SLC12A7: variants seen among roughly 807,000 people sequenced by gnomAD.
SLC12A7 encodes solute carrier family 12 member 7, also known as K-Cl cotransporter 4.
Under a neutral mutation model 120.6 loss-of-function variants are expected in SLC12A7, and 100 were observed. The observed-to-expected ratio is 0.83, with a 90% CI of 0.71 to 0.98. The LOEUF is 0.98. SLC12A7 is among the 50% of genes least tolerant of loss of function. The pLI is 0.00. For synonymous variants in SLC12A7, 760 were observed against 678.0 expected (o/e 1.12, Z -1.88); for missense variants, 1,373 against 1,548.1 (o/e 0.89, Z 1.90).
chr5:1,091,052 AAAC>A (rs1031372385), intron 3 of SLC12A7, among the ~76,000 whole-genome samples: 28 of 152,194 alleles, frequency 1.8e-4, no homozygotes, highest in African/African-American at 5.5e-4. Context: ...CGCCACCGTC[AAAC>A]AACAGGCCTG....
the SLC12A7 span, among the ~76,000 whole-genome samples, chr5:1,149,302 C>T: frequency 2.6e-5 from 4 of 152,314 alleles, no homozygotes; most frequent in South Asian, 2.1e-4. Flanking sequence ...CCTGGCCAGG[C>T]GCGGCGGCTC....
Position 1,073,821 on chromosome 5 carries a change from G to A in SLC12A7, c.2073-20C>T. 7.2e-7 allele frequency: 1 copy of A among 1,394,440 alleles called. No individual in the cohort carries two copies. The highest frequency in any genetic ancestry group is 2.7e-5 in the East Asian group (1 of 36,634). 86.4% of individuals were successfully genotyped at this position (1,394,440 alleles called of 1,614,324 possible). ...TGGGGCCTGCAGCCAGGGTGGGGCG[G>A]CTGTTACCACGGCAACGCTTACCAG... On this transcript the variant is annotated intron_variant, in intron 16 of 23. Transcript: ENST00000264930.
At chr5:1,110,390 G>A (rs558681070) in intron 1 of SLC12A7, among the ~76,000 whole-genome samples, 76 of 152,374 alleles carry the variant, frequency 5.0e-4, no homozygotes, top group African/African-American at 1.8e-3. Flanking sequence ...CATGGGCAGC[G>A]CTCAGCCAGG....
chr5:1,082,269 T>G (rs56068541), intron 8 of SLC12A7, among the ~76,000 whole-genome samples: 19,019 of 98,430 alleles, frequency 0.19, no homozygotes, highest in Non-Finnish European at 0.27. Flanking sequence ...TTCTGGAAAG[T>G]CCGGGCTTCC....
intron 1 of SLC12A7, among the ~76,000 whole-genome samples, chr5:1,109,525 C>T (rs1742830892): frequency 6.6e-6 from 1 of 152,240 alleles, no homozygotes; most frequent in Non-Finnish European, 1.5e-5. Context: ...GGACAGGACG[C>T]CTCCCGCAGA....
At chr5:1,143,922 C>A in the SLC12A7 span, among the ~76,000 whole-genome samples, 21 of 151,566 alleles carry the variant, frequency 1.4e-4, no homozygotes, top group African/African-American at 4.6e-4. Context: ...GGCACCCTGG[C>A]GCTGGGAAAC....
upstream of SLC12A7, among the ~76,000 whole-genome samples, chr5:1,113,651 C>T (rs1743196861): frequency 6.6e-6 from 1 of 152,166 alleles, no homozygotes; most frequent in Non-Finnish European, 1.5e-5. Flanking sequence ...AGCTGCCTCC[C>T]TGGGTCAGTG....
the SLC12A7 span, among the ~76,000 whole-genome samples, chr5:1,121,378 C>T: frequency 6.6e-6 from 1 of 152,218 alleles, no homozygotes; most frequent in Non-Finnish European, 1.5e-5. Context: ...CACGGGAAAG[C>T]TCATGGACTT....
chr5:1,135,297 A>T, the SLC12A7 span, among the ~76,000 whole-genome samples: 1 of 152,226 alleles, frequency 6.6e-6, no homozygotes, highest in African/African-American at 2.4e-5. Context: ...GATTTTGACT[A>T]AACAGGCAGA....
the SLC12A7 span, among the ~76,000 whole-genome samples, chr5:1,119,554 T>C: frequency 4.6e-5 from 7 of 152,208 alleles, no homozygotes; most frequent in African/African-American, 9.7e-5. Flanking sequence ...CCGCCCATGG[T>C]GCTGTGGTCC....
chr5:1,125,744 G>A, the SLC12A7 span, among the ~76,000 whole-genome samples: 1 of 152,144 alleles, frequency 6.6e-6, no homozygotes, highest in Non-Finnish European at 1.5e-5. Context: ...GGCCCACATG[G>A]TGAAACCCCA....
chr5:1,140,397 C>T, the SLC12A7 span, among the ~76,000 whole-genome samples: 4 of 152,372 alleles, frequency 2.6e-5, no homozygotes, highest in Admixed American at 1.3e-4. Flanking sequence ...TGTTCCCCCC[C>T]ACCGGGTCTG....
chr5:1,096,762 AGG>A (rs1741224859), intron 1 of SLC12A7, among the ~76,000 whole-genome samples: 1 of 10,460 alleles, frequency 9.6e-5, no homozygotes, highest in Admixed American at 9.7e-4. Flanking sequence ...GGAGGGAGGA[AGG>A]AAAGGAGGGA....
At chr5:1,147,627 GA>G in the SLC12A7 span, among the ~76,000 whole-genome samples, 2 of 152,140 alleles carry the variant, frequency 1.3e-5, no homozygotes, top group African/African-American at 2.4e-5. Flanking sequence ...ATACTAATCA[GA>G]AAACATTTAA....
At chr5:1,139,700 G>A in the SLC12A7 span, among the ~76,000 whole-genome samples, 1 of 152,244 alleles carries the variant, frequency 6.6e-6, no homozygotes, top group South Asian at 2.1e-4. Context: ...TTGACCCTGG[G>A]GTGGCCACGG....
At chr5:1,103,902 C>T (rs1364274211) in intron 1 of SLC12A7, among the ~76,000 whole-genome samples, 1 of 152,248 alleles carries the variant, frequency 6.6e-6, no homozygotes, top group African/African-American at 2.4e-5. Flanking sequence ...GCCAGAGTGA[C>T]GTCTGAGCCA....
intron 22 of SLC12A7, among the ~76,000 whole-genome samples, chr5:1,055,131 T>G (rs1475437411): frequency 6.6e-6 from 1 of 152,080 alleles, no homozygotes; most frequent in Non-Finnish European, 1.5e-5. Context: ...CACTAATGTG[T>G]ATACGCACAC....
At chr5:1,142,622 GTCTC>G in the SLC12A7 span, among the ~76,000 whole-genome samples, 2 of 144,680 alleles carry the variant, frequency 1.4e-5, no homozygotes, top group Non-Finnish European at 3.0e-5. Context: ...CTGTGTCTCT[GTCTC>G]TCGCTGTCTC....
the SLC12A7 span, among the ~76,000 whole-genome samples, chr5:1,118,008 G>A: frequency 3.9e-5 from 6 of 152,244 alleles, no homozygotes; most frequent in South Asian, 2.1e-4. Flanking sequence ...CCCGGGAGGC[G>A]GAGCTTGCAG....
Sources: allele counts gnomAD v4.1 joint callset (sites outside exome capture counted in the v4.1 genomes callset), GRCh38; gene constraint gnomAD v4.1.1; transcripts MANE v1.5; gene names NCBI Gene and HGNC (gene_info 2026-07-23, HGNC 2026-07-21).